Variants in ALKBH5 observed in about 807,000 individuals in gnomAD.
ALKBH5 encodes the protein alkB homolog 5, RNA demethylase, also known as RNA demethylase ALKBH5.
ALKBH5 carries 2 observed loss-of-function variants against 32.1 expected under a neutral mutation model. The ratio of observed to expected loss-of-function variants is 0.06; its 90% CI spans 0.03 to 0.20. The LOEUF (loss-of-function observed/expected upper bound fraction) is 0.20. ALKBH5 is among the 10% of genes least tolerant of loss of function. The pLI, the probability that ALKBH5 is intolerant of heterozygous loss-of-function variation, is 1.00. For missense variants in ALKBH5, 352 were observed against 559.5 expected, an observed-to-expected ratio of 0.63 and a Z score of 3.74; for synonymous variants, 300 against 231.7, an observed-to-expected ratio of 1.29 and a Z score of -2.68.
chr17:18,185,409 T>TG (rs962188949), intron 1 of ALKBH5, among the ~76,000 whole-genome samples: 20 of 150,750 alleles, frequency 1.3e-4, no homozygotes, highest in African/African-American at 3.9e-4. Context: ...TTTTTTTTTT[T>TG]AATTTATCTA....
Position 18,184,375 on chromosome 17 carries a change from C to T in ALKBH5, c.132C>T (p.Ala44=), listed in dbSNP as rs2047123613. The change falls in exon 1 of 4, where the codon GCC becomes GCT. Residue 44 remains alanine, a synonymous_variant. Coordinates refer to ENST00000399138, the MANE Select transcript of ALKBH5 (RefSeq NM_017758.4). ...AAAAVAAAAA[A]AAAAEPYPVS... ...CCGCCGTAGCCGCCGCAGCCGCAGC[C>T]GCCGCTGCCGCCGAACCTTACCCTG... The T allele has an allele frequency of 4.6e-6, 7 of 1,518,100 alleles. No individual in the cohort carries two copies. The highest frequency in any genetic ancestry group is 5.3e-6 in the Non-Finnish European group (6 of 1,135,884). The allele number at this position is 1,518,100 out of a possible 1,614,324, so 94.0% of individuals were successfully genotyped here.
At chr17:18,202,934 C>A (rs770256338) in intron 2 of ALKBH5, among the ~76,000 whole-genome samples, 4 of 151,984 alleles carry the variant, frequency 2.6e-5, no homozygotes, top group Non-Finnish European at 5.9e-5. Flanking sequence ...ATTAGCTGGG[C>A]ATGGTGGCGT....
rs756235862 is a variant in ALKBH5 at position 18,184,580 on chromosome 17, C to A, written c.337C>A (p.Arg113Ser). 2 of 1,613,356 alleles carry A rather than the reference C, an allele frequency of 1.2e-6. No individual in the cohort carries two copies. Among genetic ancestry groups the A allele is most frequent in the Non-Finnish European group, 1.7e-6 (2 of 1,180,030 alleles). The change falls in exon 1 of 4, where the codon CGC becomes AGC. Residue 113 changes from arginine (R) to serine (S), a missense_variant. Around this residue, in one of 4 missense-constraint regions of ALKBH5, gnomAD observed 28 missense variants for 53.1 expected, o/e 0.53. Coordinates refer to ENST00000399138, the MANE Select transcript of ALKBH5 (RefSeq NM_017758.4). ...GGCCCGCATTGACGAGGTGGTGTCCCGCGCTGAGAAGGGCCTGTACAACGA... is the reference window on the plus strand; with the variant it reads ...GGCCCGCATTGACGAGGTGGTGTCCAGCGCTGAGAAGGGCCTGTACAACGA... ...IEARIDEVVS[R>S]AEKGLYNEHT...
At chr17:18,191,358 A>G (rs1378015444) in intron 1 of ALKBH5, among the ~76,000 whole-genome samples, 1 of 152,174 alleles carries the variant, frequency 6.6e-6, no homozygotes, top group Middle Eastern at 3.2e-3. Flanking sequence ...GGTCAGTGCC[A>G]AAGTCATTTT....
chr17:18,197,516 C>G (rs534607218), intron 2 of ALKBH5, among the ~76,000 whole-genome samples: 1 of 152,218 alleles, frequency 6.6e-6, no homozygotes, highest in Non-Finnish European at 1.5e-5. Flanking sequence ...AAGAGTTCCT[C>G]TCATCTTCCC....
chr17:18,183,856 G>A lies in ALKBH5; in HGVS notation c.-388G>A, dbSNP rs1285549560. On this transcript the variant is annotated 5_prime_UTR_variant, in exon 1 of 4. Transcript: ENST00000399138. ...GAGCCCGCTAAGGAGCGGCGCTGGC[G>A]GACGTCGGGCTGGCTGCCCGTGACG... 8.9e-6 allele frequency: 3 copies of A among 338,712 alleles called. No homozygotes were observed. Among genetic ancestry groups the A allele is most frequent in the Admixed American group, 9.3e-5 (2 of 21,612 alleles). The allele number at this position is 338,712 out of a possible 1,614,324, so 21.0% of individuals were successfully genotyped here.
intron 1 of ALKBH5, among the ~76,000 whole-genome samples, chr17:18,191,976 C>A (rs898990149): frequency 1.3e-5 from 2 of 151,006 alleles, no homozygotes; most frequent in African/African-American, 4.9e-5. Context: ...GCCTTTGAGA[C>A]CTTTGACAGC....
chr17:18,194,570 T>A (rs2047195450), intron 1 of ALKBH5, among the ~76,000 whole-genome samples: 1 of 152,214 alleles, frequency 6.6e-6, no homozygotes, highest in Non-Finnish European at 1.5e-5. Context: ...CCCTGGTGAC[T>A]CAGTGCTATC....
intron 2 of ALKBH5, among the ~76,000 whole-genome samples, chr17:18,201,798 T>TAGGTAGATAGATAGGATAGATA (rs1567676678): frequency 1.1e-4 from 6 of 52,906 alleles, no homozygotes; most frequent in East Asian, 6.5e-4. Flanking sequence ...ATAGATAAGA[T>TAGGTAGATAGATAGGATAGATA]AGATAGATAG....
At chr17:18,192,979 C>T (rs969423935) in intron 1 of ALKBH5, among the ~76,000 whole-genome samples, 1 of 151,708 alleles carries the variant, frequency 6.6e-6, no homozygotes, top group Non-Finnish European at 1.5e-5. Context: ...CTGCCTCAGC[C>T]TCTGCGATAG....
intron 1 of ALKBH5, among the ~76,000 whole-genome samples, chr17:18,192,884 G>T (rs1230711896): frequency 7.2e-6 from 1 of 139,324 alleles, no homozygotes; most frequent in African/African-American, 2.8e-5. Flanking sequence ...TTTTGAGACG[G>T]AGTCTCACTC....
intron 2 of ALKBH5, among the ~76,000 whole-genome samples, chr17:18,204,328 G>A (rs1186620691): frequency 1.3e-5 from 2 of 152,142 alleles, no homozygotes; most frequent in Non-Finnish European, 2.9e-5. Flanking sequence ...GTGCATGCCT[G>A]TAATCCTAGC....
rs1198522542 is a variant in ALKBH5, at chr17:18,208,639, G to A, written c.*243G>A. The A allele has an allele frequency of 1.6e-6, 1 of 617,388 alleles. No individual in the cohort carries two copies. The highest frequency in any genetic ancestry group is 2.9e-6 in the Non-Finnish European group (1 of 343,816). 38.2% of individuals were successfully genotyped at this position (617,388 alleles called of 1,614,324 possible). A position where few individuals can be genotyped will look rare whatever the true frequency, so the allele number is the denominator to read the frequency against. On this transcript the variant is annotated 3_prime_UTR_variant, in exon 4 of 4. Coordinates refer to ENST00000399138, the MANE Select transcript of ALKBH5 (RefSeq NM_017758.4). Reference sequence around the variant, plus strand: ...TGGAAAGGCTGTTGGCATCAATAGGGGACAGAGGCTGATGCTGGAGTGGCC... The same window carrying A: ...TGGAAAGGCTGTTGGCATCAATAGGAGACAGAGGCTGATGCTGGAGTGGCC...
intron 1 of ALKBH5, among the ~76,000 whole-genome samples, chr17:18,193,512 A>G (rs554914588): frequency 6.6e-6 from 1 of 151,556 alleles, no homozygotes; most frequent in Non-Finnish European, 1.5e-5. Flanking sequence ...GTGCCACTGC[A>G]CTCCAACCTG....
rs1489766939 is a variant in ALKBH5, at chr17:18,184,093, C to G, written c.-151C>G. 2 of 740,482 alleles carry G rather than the reference C, an allele frequency of 2.7e-6. No individual in the cohort carries two copies. Among genetic ancestry groups the G allele is most frequent in the African/African-American group, 3.7e-5 (2 of 54,408 alleles). 45.9% of individuals were successfully genotyped at this position (740,482 alleles called of 1,614,324 possible). ...TGAGGCCCTACCCCACGCCCGGACCCTCGACGCCCCCCGCCGGGTCCCCCA... is the reference window on the plus strand; with the variant it reads ...TGAGGCCCTACCCCACGCCCGGACCGTCGACGCCCCCCGCCGGGTCCCCCA... On this transcript the variant is annotated 5_prime_UTR_variant, in exon 1 of 4. Coordinates refer to ENST00000399138, the MANE Select transcript of ALKBH5 (RefSeq NM_017758.4).
At chr17:18,201,371 G>T (rs1363334909) in intron 2 of ALKBH5, among the ~76,000 whole-genome samples, 1 of 152,214 alleles carries the variant, frequency 6.6e-6, no homozygotes, top group African/African-American at 2.4e-5. Flanking sequence ...TTGGGCTTCT[G>T]CCCTGGCTCT....
intron 2 of ALKBH5, among the ~76,000 whole-genome samples, chr17:18,201,799 A>AGATGG (rs2047240061): frequency 7.4e-5 from 3 of 40,768 alleles, no homozygotes; most frequent in African/African-American, 3.7e-4. Context: ...TAGATAAGAT[A>AGATGG]GATAGATAGA....
chr17:18,195,150 C>A (rs997819290), intron 2 of ALKBH5, 115 bp downstream of exon 2: 5 of 774,526 alleles, frequency 6.5e-6, no homozygotes, highest in Non-Finnish European at 1.0e-5. Flanking sequence ...GAGTGGAGAG[C>A]AGAACTGTTA....
At chr17:18,200,383 C>G (rs538615449) in intron 2 of ALKBH5, among the ~76,000 whole-genome samples, 151 of 152,216 alleles carry the variant, frequency 9.9e-4, no homozygotes, top group African/African-American at 3.5e-3. Flanking sequence ...TTTTAGGAGG[C>G]CCTCAGGATT....
Sources: gnomAD v4.1 joint callset for allele counts (sites outside exome capture counted in the v4.1 genomes callset) on GRCh38, gnomAD v4.1.1 for gene constraint, gnomAD v4.1.1 regional missense constraint, MANE v1.5 for transcripts, NCBI Gene and HGNC (gene_info 2026-07-23, HGNC 2026-07-21) for gene names.